CCND1: variants seen among roughly 807,000 people sequenced by gnomAD.
The protein encoded by CCND1 is cyclin D1.
CCND1 carries 9 observed loss-of-function variants against 26.1 expected under a neutral mutation model. That is an observed-to-expected ratio of 0.35 (90% CI 0.21 to 0.60). CCND1 has a LOEUF of 0.60. CCND1 is among the 20% of genes least tolerant of loss of function. The pLI is 0.79. For synonymous variants in CCND1, 194 were observed against 166.1 expected (o/e 1.17, Z -1.29); for missense variants, 335 against 392.9 (o/e 0.85, Z 1.25).
intron 1 of CCND1, among the ~76,000 whole-genome samples, chr11:69,642,586 A>G (rs1208032586): frequency 6.6e-6 from 1 of 152,076 alleles, no homozygotes; most frequent in Non-Finnish European, 1.5e-5. Flanking sequence ...ATTTTTTGAA[A>G]AGATGACGTC....
chr11:69,653,152 G>A lies in CCND1; in HGVS notation c.*1870G>A, dbSNP rs3212899. ...GTGTGGAGGCTGACGTGTGAGGGAGGACAGGCGGGAGGAGGTGTGAGGAGG... is the reference window on the plus strand; with the variant it reads ...GTGTGGAGGCTGACGTGTGAGGGAGAACAGGCGGGAGGAGGTGTGAGGAGG... On this transcript the variant is annotated 3_prime_UTR_variant, in exon 5 of 5. Transcript: ENST00000227507. 14 of 605,312 alleles carry A rather than the reference G, an allele frequency of 2.3e-5. No homozygotes were observed. In the African/African-American group the frequency reaches 2.6e-4, roughly 11 times the overall value. The allele number at this position is 605,312 out of a possible 1,614,324, so 37.5% of individuals were successfully genotyped here.
Position 69,652,441 on chromosome 11 carries a change from A to T in CCND1, c.*1159A>T, listed in dbSNP as rs1332246915. On this transcript the variant is annotated 3_prime_UTR_variant, in exon 5 of 5. Coordinates refer to ENST00000227507, the MANE Select transcript of CCND1 (RefSeq NM_053056.3). ...GGCAAGTGTGGGCCACTGTGGTGGC[A>T]GTGGAGGTGGGGTGTTTGGGAGGCT... 1 of 233,552 alleles carries T rather than the reference A, an allele frequency of 4.3e-6. No homozygotes were observed. Among genetic ancestry groups the T allele is most frequent in the South Asian group, 1.8e-4 (1 of 5,528 alleles). 14.5% of individuals were successfully genotyped at this position (233,552 alleles called of 1,614,324 possible).
In CCND1 at chr11:69,643,258, A is replaced by ACCCCGCCGCC. The variant is rs1258957497; in HGVS notation, c.414+20_414+29dup. 2.0e-6 allele frequency: 3 copies of ACCCCGCCGCC among 1,537,810 alleles called. No homozygotes were observed. In the African/African-American group the frequency reaches 4.2e-5, roughly 22 times the overall value. The stretch of plus-strand genomic sequence containing the variant: ...CCGAGGAGCTGCTGGTAACCACTGG[A>ACCCCGCCGCC]CCCCGCCGCCCCCCGCCCCCCGCGA... On this transcript the variant is annotated intron_variant, in intron 2 of 4. Transcript: ENST00000227507.
rs1855851791 is a variant in CCND1 at position 69,651,267 on chromosome 11, G to A, written c.873G>A (p.Arg291=). Residue 291 remains arginine (R), a synonymous_variant, in exon 5 of 5, where the codon CGG becomes CGA. Coordinates refer to ENST00000227507, the MANE Select transcript of CCND1 (RefSeq NM_053056.3). The part of the protein sequence containing the change: ...VDLACTPTDV[R]DVDI ...TGGCTTGCACACCCACCGACGTGCG[G>A]GACGTGGACATCTGAGGGCGCCAGG... is the stretch of plus-strand genomic sequence containing the variant. The A allele has an allele frequency of 1.3e-6, 2 of 1,540,170 alleles. No individual in the cohort carries two copies. The highest frequency in any genetic ancestry group is 1.4e-5 in the African/African-American group (1 of 72,242).
Position 69,654,285 on chromosome 11 carries a change from C to T in CCND1, c.*3003C>T, listed in dbSNP as rs1855899999. On this transcript the variant is annotated 3_prime_UTR_variant, in exon 5 of 5. Transcript: ENST00000227507. This position sits in a 1 kb window ranked among gnomAD's most constrained non-coding sequence, Gnocchi z 6.3. ...GTATCGAGAGGCCAAAGGCTGGTGG[C>T]AAGTGCACGGGGCACAGCGGAGTCT... 2 of 702,470 alleles carry T rather than the reference C, an allele frequency of 2.8e-6. No individual in the cohort carries two copies. Among genetic ancestry groups the T allele is most frequent in the Admixed American group, 2.0e-5 (1 of 49,998 alleles). 43.5% of individuals were successfully genotyped at this position (702,470 alleles called of 1,614,324 possible).
At chr11:69,650,025 G>T (rs649392) in intron 4 of CCND1, among the ~76,000 whole-genome samples, 1 of 152,000 alleles carries the variant, frequency 6.6e-6, no homozygotes, top group Admixed American at 6.5e-5. Flanking sequence ...CTAAAATGTC[G>T]TGACCTCAGT....
chr11:69,650,705 A>G (rs1855843198), intron 4 of CCND1, among the ~76,000 whole-genome samples: 1 of 152,168 alleles, frequency 6.6e-6, no homozygotes, highest in Non-Finnish European at 1.5e-5. Context: ...CCACATGGAG[A>G]GGTTAAGTCT....
rs763697017 is a variant in CCND1 at position 69,643,973 on chromosome 11, G to C, written c.556G>C (p.Val186Leu). 6.2e-7 allele frequency: 1 copy of C among 1,613,366 alleles called. No individual in the cohort carries two copies. The highest frequency in any genetic ancestry group is 8.5e-7 in the Non-Finnish European group (1 of 1,180,002). The change falls in exon 3 of 5, where the codon GTT (valine) becomes CTT (leucine). Residue 186 changes from valine (V) to leucine (L), a missense_variant. Coordinates refer to ENST00000227507, the MANE Select transcript of CCND1 (RefSeq NM_053056.3). ...QIIRKHAQTFVALCATDVKFI... is the reference protein window; with the variant it reads ...QIIRKHAQTFLALCATDVKFI... ...CATCCGCAAACACGCGCAGACCTTCGTTGCCCTCTGTGCCACAGGTAGGGC... is the reference window on the plus strand; with the variant it reads ...CATCCGCAAACACGCGCAGACCTTCCTTGCCCTCTGTGCCACAGGTAGGGC...
In CCND1 at chr11:69,650,809, C is replaced by T. The variant is rs946139794; in HGVS notation, c.724-309C>T. Among the ~76,000 whole-genome samples, 8 of 144,088 alleles carry T rather than the reference C, an allele frequency of 5.6e-5. No homozygotes were observed. In the East Asian group the frequency reaches 9.4e-4, roughly 17 times the overall value. 94.5% of individuals were successfully genotyped at this position (144,088 alleles called of 152,430 possible). On this transcript the variant is annotated intron_variant, in intron 4 of 4. Coordinates refer to ENST00000227507, the MANE Select transcript of CCND1 (RefSeq NM_053056.3). The stretch of plus-strand genomic sequence containing the variant: ...AGCTGGCACGGCCAGTGGGAACAGG[C>T]GGTGAAGGCGCTGTTGGACATGGGG...
At chr11:69,646,164 C>G (rs1167937734) in intron 3 of CCND1, among the ~76,000 whole-genome samples, 1 of 152,232 alleles carries the variant, frequency 6.6e-6, no homozygotes, top group Admixed American at 6.5e-5. Context: ...CAGCTAGAAC[C>G]TGTCGCTCCC....
Position 69,643,898 on chromosome 11 carries a change from A to G in CCND1, c.481A>G (p.Ile161Val). Residue 161 changes from isoleucine to valine, a missense_variant, in exon 3 of 5, where the codon ATT becomes GTT. By Grantham distance (29) the Ile-to-Val change is conservative. Coordinates refer to ENST00000227507, the MANE Select transcript of CCND1 (RefSeq NM_053056.3). ...NLAAMTPHDF[I>V]EHFLSKMPEA... ...GGCCGCAATGACCCCGCACGATTTC[A>G]TTGAACACTTCCTCTCCAAAATGCC... 6.2e-7 allele frequency: 1 copy of G among 1,613,662 alleles called. No homozygotes were observed. Among genetic ancestry groups the G allele is most frequent in the Non-Finnish European group, 8.5e-7 (1 of 1,179,986 alleles).
At position 69,643,827 on chromosome 11, in the gene CCND1, C is replaced by A. The variant is rs1240440953; in HGVS notation, c.415-5C>A. ...CCCTGATGGCCGCTCACCCTGTGTT[C>A]GCAGCAAATGGAGCTGCTCCTGGTG... is the stretch of plus-strand genomic sequence containing the variant. On this transcript the variant is annotated splice_region_variant and splice_polypyrimidine_tract_variant and intron_variant, in intron 2 of 4. Coordinates refer to ENST00000227507, the MANE Select transcript of CCND1 (RefSeq NM_053056.3). 1 of 1,602,540 alleles carries A rather than the reference C, an allele frequency of 6.2e-7. No individual in the cohort carries two copies. The highest frequency in any genetic ancestry group is 8.5e-7 in the Non-Finnish European group (1 of 1,172,062).
intron 2 of CCND1, 107 bp from the exon 3 acceptor site, chr11:69,643,725 G>A (rs1855741888): frequency 1.9e-6 from 2 of 1,048,950 alleles, no homozygotes; most frequent in South Asian, 1.6e-5. Context: ...AGGGGCCAGT[G>A]CTCTGAGCCG....
chr11:69,644,140 G>C, intron 3 of CCND1, 149 bp downstream of exon 3: 1 of 755,096 alleles, frequency 1.3e-6, no homozygotes, highest in Non-Finnish European at 2.3e-6. Flanking sequence ...CAGCTCTGGT[G>C]AGCAGAGGCC....
In CCND1 at chr11:69,645,906, C is replaced by T. The variant is rs574933722; in HGVS notation, c.574+1915C>T. The stretch of plus-strand genomic sequence containing the variant: ...TTCAGGGCAGGTGCGCCCTTGGCTC[C>T]GTGGGAGGCCAGGTGAGGAACGTCC... On this transcript the variant is annotated intron_variant, in intron 3 of 4. Transcript: ENST00000227507. 1.2e-4 allele frequency among the ~76,000 whole-genome samples: 18 copies of T among 152,294 alleles called. No individual in the cohort carries two copies. The South Asian group carries it at 3.3e-3, about 28-fold the overall frequency.
chr11:69,652,578 G>A lies in CCND1; in HGVS notation c.*1296G>A, dbSNP rs965390152. 8.6e-6 allele frequency: 2 copies of A among 233,180 alleles called. No individual in the cohort carries two copies. The highest frequency in any genetic ancestry group is 4.4e-5 in the African/African-American group (2 of 45,344). 14.4% of individuals were successfully genotyped at this position (233,180 alleles called of 1,614,324 possible). A position where few individuals can be genotyped will look rare whatever the true frequency, so the allele number is the denominator to read the frequency against. ...TAGGAATCCTTTGGTGCCAACTGGT[G>A]TTTGAAAGTAGGGACCTCAGAGGTT... is the stretch of plus-strand genomic sequence containing the variant. On this transcript the variant is annotated 3_prime_UTR_variant, in exon 5 of 5. Coordinates refer to ENST00000227507, the MANE Select transcript of CCND1 (RefSeq NM_053056.3).
At chr11:69,650,811 G>A (rs922093328) in intron 4 of CCND1, among the ~76,000 whole-genome samples, 1 of 152,008 alleles carries the variant, frequency 6.6e-6, no homozygotes, top group Non-Finnish European at 1.5e-5. Context: ...GGAACAGGCG[G>A]TGAAGGCGCT....
rs1855862944 is a variant in CCND1, at chr11:69,652,043, T to C, written c.*761T>C. ...CAGTGACAAACCATCCAGTGGAGGT[T>C]TGTCGGGCACCAGCCAGCGTAGCAG... is the stretch of plus-strand genomic sequence containing the variant. On this transcript the variant is annotated 3_prime_UTR_variant, in exon 5 of 5. Transcript: ENST00000227507. The C allele has an allele frequency of 4.3e-6, 1 of 233,184 alleles. No individual in the cohort carries two copies. The allele number at this position is 233,184 out of a possible 1,614,324, so 14.4% of individuals were successfully genotyped here. A position where few individuals can be genotyped will look rare whatever the true frequency, so the allele number is the denominator to read the frequency against.
At chr11:69,647,087 C>G (rs1423866006) in intron 3 of CCND1, among the ~76,000 whole-genome samples, 3 of 152,226 alleles carry the variant, frequency 2.0e-5, no homozygotes, top group Non-Finnish European at 2.9e-5. Flanking sequence ...CGGCTCCCGG[C>G]CCAGTCCTCC....
Sources: allele counts gnomAD v4.1 joint callset (sites outside exome capture counted in the v4.1 genomes callset), GRCh38; gene constraint gnomAD v4.1.1; non-coding constraint Gnocchi (gnomAD v3.1); transcripts MANE v1.5; gene names NCBI Gene and HGNC (gene_info 2026-07-23, HGNC 2026-07-21).